CDH23: variants seen among roughly 807,000 people sequenced by gnomAD.
The protein encoded by CDH23 is cadherin-23.
In CDH23, 189 loss-of-function variants were observed where a neutral mutation model predicts 317.1. The ratio of observed to expected loss-of-function variants is 0.60; its 90% CI spans 0.53 to 0.67. The LOEUF is 0.67. CDH23 is among the 30% of genes least tolerant of loss of function. The probability of loss-of-function intolerance (pLI) is 0.00; values close to 1 mark genes in which losing one functional copy is unlikely to be tolerated. For synonymous variants in CDH23, 1,839 were observed against 1,876.8 expected (o/e 0.98, Z 0.52); for missense variants, 4,401 against 4,592.4 (o/e 0.96, Z 1.20).
chr10:71,667,532 T>A (rs1863967496), intron 14 of CDH23, among the ~76,000 whole-genome samples: 6 of 151,702 alleles, frequency 4.0e-5, no homozygotes, highest in Admixed American at 3.9e-4. Context: ...CGCAGCTGCC[T>A]GAGATGCAGA....
chr10:71,695,328 C>T lies in CDH23; in HGVS notation c.2290-90C>T, dbSNP rs1185742095. 1.6e-5 allele frequency: 14 copies of T among 890,830 alleles called. No homozygotes were observed. The East Asian group carries it at 2.9e-4, about 19-fold the overall frequency. The allele number at this position is 890,830 out of a possible 1,614,324, so 55.2% of individuals were successfully genotyped here. On this transcript the variant is annotated intron_variant, in intron 21 of 69. Coordinates refer to ENST00000224721, the MANE Select transcript of CDH23 (RefSeq NM_022124.6). The stretch of plus-strand genomic sequence containing the variant: ...TGGCAGAATTAATGCGAAGATTGCC[C>T]GTGGGCATCTGAGCACTTTTCCCCT...
intron 1 of CDH23, among the ~76,000 whole-genome samples, chr10:71,406,663 G>A (rs1196990622): frequency 6.6e-6 from 1 of 151,926 alleles, no homozygotes; most frequent in Non-Finnish European, 1.5e-5. Flanking sequence ...TCTAAACATC[G>A]AGATTAAAAA....
At position 71,679,465 on chromosome 10, in the gene CDH23, G is replaced by A. The variant is rs374527066; in HGVS notation, c.1831G>A (p.Asp611Asn). 4.8e-5 allele frequency: 78 copies of A among 1,612,336 alleles called. No homozygotes were observed. Among genetic ancestry groups the A allele is most frequent in the South Asian group, 6.6e-5 (6 of 90,684 alleles). Residue 611 changes from aspartate to asparagine, a missense_variant, in exon 17 of 70, where the codon GAC becomes AAC. Physicochemically the swap from Asp to Asn is conservative, Grantham distance 23. Coordinates refer to ENST00000224721, the MANE Select transcript of CDH23 (RefSeq NM_022124.6). ...VSASAFGSYF[D>N]ISLYEGYGVI... ...TGCATCTGCCTTTGGCAGCTACTTC[G>A]ACATCAGCCTGTACGAGGGCTATGG...
chr10:71,679,476 G>T lies in CDH23; in HGVS notation c.1842G>T (p.Leu614=). The T allele has an allele frequency of 1.2e-6, 2 of 1,610,452 alleles. No homozygotes were observed. Among genetic ancestry groups the T allele is most frequent in the Non-Finnish European group, 8.5e-7 (1 of 1,178,306 alleles). The part of the protein sequence containing the change: ...SAFGSYFDIS[L]YEGYGVISVS... ...TTGGCAGCTACTTCGACATCAGCCT[G>T]TACGAGGGCTATGGAGGTAGGTGTG... is the stretch of plus-strand genomic sequence containing the variant. The change falls in exon 17 of 70, where the codon CTG becomes CTT. Residue 614 remains leucine, a synonymous_variant. Transcript: ENST00000224721.
intron 31 of CDH23, among the ~76,000 whole-genome samples, chr10:71,731,597 GC>G (rs1839387460): frequency 6.6e-6 from 1 of 152,136 alleles, no homozygotes; most frequent in African/African-American, 2.4e-5. Context: ...CCAAACCAAG[GC>G]TTGGCCATCT....
intron 7 of CDH23, among the ~76,000 whole-genome samples, chr10:71,569,286 C>T (rs1452941458): frequency 6.6e-6 from 1 of 152,234 alleles, no homozygotes; most frequent in Non-Finnish European, 1.5e-5. Flanking sequence ...AGACAACCAG[C>T]CCTCCCTTCT....
chr10:71,598,097 AC>A (rs1482000877), intron 9 of CDH23, among the ~76,000 whole-genome samples: 4 of 152,146 alleles, frequency 2.6e-5, no homozygotes, highest in African/African-American at 7.2e-5. Flanking sequence ...CTGAGGCTCC[AC>A]CCGGCCTTTC....
At chr10:71,618,110 A>T (rs1324854397) in intron 11 of CDH23, among the ~76,000 whole-genome samples, 4 of 152,124 alleles carry the variant, frequency 2.6e-5, no homozygotes, top group Non-Finnish European at 5.9e-5. Flanking sequence ...TAATGACCTT[A>T]GCAGAAAGTC....
intron 6 of CDH23, chr10:71,512,243 C>T (rs764102371): frequency 6.6e-6 from 1 of 152,212 alleles, no homozygotes; most frequent in African/African-American, 2.4e-5. Context: ...ACACCCCACT[C>T]CCTGGCCTCT....
At chr10:71,659,737 T>A (rs76544704) in intron 14 of CDH23, among the ~76,000 whole-genome samples, 1 of 152,348 alleles carries the variant, frequency 6.6e-6, no homozygotes, top group East Asian at 1.9e-4. Flanking sequence ...ATTGATTTCA[T>A]GACCAACTAA....
chr10:71,554,599 T>C (rs55747027), intron 6 of CDH23, among the ~76,000 whole-genome samples: 3,922 of 152,302 alleles, frequency 0.026, 91 homozygotes, highest in Non-Finnish European at 0.041. Flanking sequence ...GACAGTGCCC[T>C]GGAACCGTGA....
intron 43 of CDH23, 58 bp from the exon 44 acceptor site, chr10:71,785,573 G>A (rs1841080604): frequency 8.5e-7 from 1 of 1,181,124 alleles, no homozygotes; most frequent in South Asian, 1.3e-5. Context: ...GCATCTGTGG[G>A]CCAAAGTAGA....
At chr10:71,713,309 A>G in intron 28 of CDH23, 3 of 778,852 alleles carry the variant, frequency 3.9e-6, no homozygotes, top group African/African-American at 3.4e-5. Context: ...GAGAGAAGGG[A>G]GGACCCTGAA....
chr10:71,715,761 G>A (rs944683244), intron 28 of CDH23: 19 of 535,602 alleles, frequency 3.5e-5, no homozygotes, highest in Non-Finnish European at 5.4e-5. Flanking sequence ...GCTCTTCTGA[G>A]GATCATCTTT....
chr10:71,810,594 T>C (rs1841886534), intron 62 of CDH23, 25 bp downstream of exon 62: 2 of 1,607,044 alleles, frequency 1.2e-6, no homozygotes, highest in Middle Eastern at 3.3e-4. Flanking sequence ...GTGTTTGGAC[T>C]GTCAGCCTGT....
At chr10:71,756,881 A>G (rs1412882466) in intron 38 of CDH23, among the ~76,000 whole-genome samples, 1 of 152,196 alleles carries the variant, frequency 6.6e-6, no homozygotes, top group Non-Finnish European at 1.5e-5. Context: ...CTACAATCCG[A>G]CAGCGTAAAC....
At chr10:71,565,473 T>C (rs1381447797) in intron 6 of CDH23, among the ~76,000 whole-genome samples, 1 of 152,054 alleles carries the variant, frequency 6.6e-6, no homozygotes, top group African/African-American at 2.4e-5. Context: ...CAAGAGAGCC[T>C]GGAGATGCAA....
intron 26 of CDH23, 59 bp from the exon 27 acceptor site, chr10:71,709,039 G>C: frequency 6.6e-7 from 1 of 1,511,498 alleles, no homozygotes; most frequent in South Asian, 1.1e-5. Flanking sequence ...CAGAGTCCCC[G>C]CTTCCCCTGG....
intron 1 of CDH23, among the ~76,000 whole-genome samples, chr10:71,423,993 G>GAGAA (rs1848932812): frequency 6.6e-6 from 1 of 152,244 alleles, no homozygotes; most frequent in African/African-American, 2.4e-5. Context: ...CACTATGACT[G>GAGAA]TTGGCTTGAG....
Sources: allele counts gnomAD v4.1 joint callset (sites outside exome capture counted in the v4.1 genomes callset), GRCh38; gene constraint gnomAD v4.1.1; transcripts MANE v1.5; gene names NCBI Gene and HGNC (gene_info 2026-07-23, HGNC 2026-07-21).